Variants in MITF observed in about 807,000 individuals in gnomAD.
MITF encodes the protein melanocyte inducing transcription factor.
Under a neutral mutation model 60.5 loss-of-function variants are expected in MITF, and 17 were observed. That is an observed-to-expected ratio of 0.28 (90% CI 0.19 to 0.42). The LOEUF (loss-of-function observed/expected upper bound fraction) is 0.42, where lower values mean the gene tolerates loss of function less well. Ranked by LOEUF, MITF falls within the 10% of genes least tolerant of loss-of-function variation. MITF has a pLI of 1.00. For missense variants in MITF, 622 were observed against 683.5 expected, an observed-to-expected ratio of 0.91 and a Z score of 1.00; for synonymous variants, 260 against 248.5, an observed-to-expected ratio of 1.05 and a Z score of -0.43.
chr3:69,937,942 C>T lies in MITF; in HGVS notation c.475C>T (p.Pro159Ser), dbSNP rs1221504326. The T allele has an allele frequency of 3.7e-6, 6 of 1,614,182 alleles. No individual in the cohort carries two copies. The highest frequency in any genetic ancestry group is 2.2e-5 in the South Asian group (2 of 91,086). The change falls in exon 3 of 10, where the codon CCA (proline) becomes TCA (serine). Residue 159 changes from proline to serine, a missense_variant. Transcript: ENST00000352241. Reference protein sequence around the residue: ...NKHANQVLSLPCPNQPGDHVM... With the variant: ...NKHANQVLSLSCPNQPGDHVM... Reference sequence around the variant, plus strand: ...ACATGCCAACCAAGTCCTGAGCTTGCCATGTCCAAACCAGCCTGGCGATCA... The same window carrying T: ...ACATGCCAACCAAGTCCTGAGCTTGTCATGTCCAAACCAGCCTGGCGATCA...
chr3:69,865,346 TA>T (rs1238228351), intron 1 of MITF, among the ~76,000 whole-genome samples: 2 of 152,220 alleles, frequency 1.3e-5, no homozygotes, highest in Non-Finnish European at 2.9e-5. Flanking sequence ...ATGTCTTTGT[TA>T]TGACCTTTGA....
chr3:69,827,053 A>G lies in MITF; in HGVS notation c.105-52081A>G, dbSNP rs189948669. On this transcript the variant is annotated intron_variant, in intron 1 of 9. Coordinates refer to ENST00000352241, the MANE Select transcript of MITF (RefSeq NM_001354604.2). ...TTTTCTTCTCAGTTTTTGCTGTTGTATTAGCCTACATCCTCCTCTTCTCAT... is the reference window on the plus strand; with the variant it reads ...TTTTCTTCTCAGTTTTTGCTGTTGTGTTAGCCTACATCCTCCTCTTCTCAT... Among the ~76,000 whole-genome samples the G allele has an allele frequency of 5.0e-3, 756 of 152,206 alleles. 2 individuals are homozygous for G. Among genetic ancestry groups the G allele is most frequent in the Non-Finnish European group, 7.8e-3 (528 of 68,010 alleles).
intron 1 of MITF, among the ~76,000 whole-genome samples, chr3:69,841,405 G>T (rs755248212): frequency 3.3e-5 from 5 of 152,162 alleles, no homozygotes; most frequent in African/African-American, 1.2e-4. Flanking sequence ...AAAAGTGCAG[G>T]ATGCAATTCT....
At chr3:69,926,475 C>T (rs369542655) in intron 2 of MITF, among the ~76,000 whole-genome samples, 4 of 152,100 alleles carry the variant, frequency 2.6e-5, no homozygotes, top group African/African-American at 9.7e-5. Flanking sequence ...TTAAGAGTGT[C>T]GGTACTTATG....
intron 5 of MITF, among the ~76,000 whole-genome samples, chr3:69,942,737 G>A (rs763866500): frequency 2.6e-5 from 4 of 152,028 alleles, no homozygotes; most frequent in Non-Finnish European, 5.9e-5. Flanking sequence ...CATCCTATGA[G>A]GCCAAACTAC....
chr3:69,896,828 A>G (rs1355416182), intron 2 of MITF, among the ~76,000 whole-genome samples: 1 of 152,208 alleles, frequency 6.6e-6, no homozygotes, highest in East Asian at 1.9e-4. Flanking sequence ...CAAGTAGGAA[A>G]GGGCTTAATC....
chr3:69,949,166 C>T lies in MITF; in HGVS notation c.878C>T (p.Thr293Ile), dbSNP rs2066178117. 1.2e-6 allele frequency: 2 copies of T among 1,602,792 alleles called. No individual in the cohort carries two copies. The highest frequency in any genetic ancestry group is 4.5e-5 in the East Asian group (2 of 44,794). Residue 293 changes from threonine to isoleucine, a missense_variant and splice_region_variant, in exon 6 of 10, where the codon ACA becomes ATA. Around this residue, in one of 5 missense-constraint regions of MITF, gnomAD observed 215 missense variants for 224.8 expected, o/e 0.96. Coordinates refer to ENST00000352241, the MANE Select transcript of MITF (RefSeq NM_001354604.2). ...ANLPNIKREL[T>I]ACIFPTESEA... ...CTTCCCAACATAAAAAGGGAGCTCACAGGTAAACACCTAGTAAATGTGCCT... is the reference window on the plus strand; with the variant it reads ...CTTCCCAACATAAAAAGGGAGCTCATAGGTAAACACCTAGTAAATGTGCCT...
At chr3:69,862,710 T>C (rs1192628070) in intron 1 of MITF, among the ~76,000 whole-genome samples, 1 of 152,204 alleles carries the variant, frequency 6.6e-6, no homozygotes, top group Non-Finnish European at 1.5e-5. Flanking sequence ...AAGGAAAAAG[T>C]TGGCTGTCAC....
In MITF at chr3:69,937,966, C is replaced by T. The variant is rs1383949502; in HGVS notation, c.499C>T (p.His167Tyr). 6.2e-7 allele frequency: 1 copy of T among 1,614,198 alleles called. No homozygotes were observed. The highest frequency in any genetic ancestry group is 1.1e-5 in the South Asian group (1 of 91,086). Residue 167 changes from histidine to tyrosine, a missense_variant, in exon 3 of 10, where the codon CAT becomes TAT. His to Tyr is a moderately conservative substitution (Grantham distance 83). Coordinates refer to ENST00000352241, the MANE Select transcript of MITF (RefSeq NM_001354604.2). ...GCCATGTCCAAACCAGCCTGGCGAT[C>T]ATGTCATGCCACCGGTGCCGGGGAG... ...SLPCPNQPGD[H>Y]VMPPVPGSSA...
intron 2 of MITF, among the ~76,000 whole-genome samples, chr3:69,913,665 C>T (rs548893073): frequency 6.6e-6 from 1 of 152,260 alleles, no homozygotes; most frequent in Admixed American, 6.5e-5. Context: ...AATAATAGCA[C>T]AGCTCATTGG....
At chr3:69,893,957 T>A (rs1193336346) in intron 2 of MITF, among the ~76,000 whole-genome samples, 3 of 152,188 alleles carry the variant, frequency 2.0e-5, no homozygotes, top group African/African-American at 7.2e-5. Context: ...TATAGAAAAT[T>A]CTGTGGAAAG....
Position 69,965,355 on chromosome 3 carries a change from T to C in MITF, c.*107T>C. 10 of 1,231,570 alleles carry C rather than the reference T, an allele frequency of 8.1e-6. No homozygotes were observed. In the South Asian group the frequency reaches 1.2e-4, roughly 15 times the overall value. The allele number at this position is 1,231,570 out of a possible 1,614,324, so 76.3% of individuals were successfully genotyped here. A position where few individuals can be genotyped will look rare whatever the true frequency, so the allele number is the denominator to read the frequency against. On this transcript the variant is annotated 3_prime_UTR_variant, in exon 10 of 10. Coordinates refer to ENST00000352241, the MANE Select transcript of MITF (RefSeq NM_001354604.2). ...TTGATAATTTTCCTTTAATATGAAA[T>C]TTTTTTTCATGCTTTATCAATAGCC...
At chr3:69,841,091 A>G (rs1317684402) in intron 1 of MITF, among the ~76,000 whole-genome samples, 1 of 152,204 alleles carries the variant, frequency 6.6e-6, no homozygotes, top group Non-Finnish European at 1.5e-5. Flanking sequence ...GTGTGTTGCC[A>G]GTTCAGAAAC....
intron 2 of MITF, among the ~76,000 whole-genome samples, chr3:69,919,461 A>C (rs1388043059): frequency 6.6e-6 from 1 of 152,244 alleles, no homozygotes; most frequent in Non-Finnish European, 1.5e-5. Flanking sequence ...AACTGCAAAG[A>C]ATTTGCCATT....
intron 2 of MITF, among the ~76,000 whole-genome samples, chr3:69,893,373 A>C (rs2064800714): frequency 6.6e-6 from 1 of 152,004 alleles, no homozygotes. Flanking sequence ...GTTGAAAGGC[A>C]TGGGCTCTGG....
At chr3:69,779,988 G>A (rs541884236) in intron 1 of MITF, among the ~76,000 whole-genome samples, 38 of 152,216 alleles carry the variant, frequency 2.5e-4, no homozygotes, top group African/African-American at 7.7e-4. Flanking sequence ...TGAGAGTAGG[G>A]GCATAACAAT....
At chr3:69,874,556 A>T (rs905242104) in intron 1 of MITF, among the ~76,000 whole-genome samples, 3 of 152,252 alleles carry the variant, frequency 2.0e-5, no homozygotes, top group Non-Finnish European at 4.4e-5. Flanking sequence ...ACAGAGATAG[A>T]CTAACTGGGC....
chr3:69,909,582 T>C (rs1158686383), intron 2 of MITF, among the ~76,000 whole-genome samples: 1 of 152,006 alleles, frequency 6.6e-6, no homozygotes, highest in Non-Finnish European at 1.5e-5. Flanking sequence ...CTGATAGTGA[T>C]ATGAACAATA....
chr3:69,902,213 G>T (rs2065008648), intron 2 of MITF, among the ~76,000 whole-genome samples: 1 of 151,828 alleles, frequency 6.6e-6, no homozygotes, highest in Non-Finnish European at 1.5e-5. Context: ...CCTTTGTTTA[G>T]TTTTTCTTTT....
Sources: gnomAD v4.1 joint callset for allele counts (sites outside exome capture counted in the v4.1 genomes callset) on GRCh38, gnomAD v4.1.1 for gene constraint, gnomAD v4.1.1 regional missense constraint, MANE v1.5 for transcripts, NCBI Gene and HGNC (gene_info 2026-07-23, HGNC 2026-07-21) for gene names.